The following AFF3 variants were observed in gnomAD, a reference collection of about 807,000 sequenced individuals.
AFF3 encodes the protein ALF transcription elongation factor 3.
Under a neutral mutation model 129.7 loss-of-function variants are expected in AFF3, and 32 were observed. The ratio of observed to expected loss-of-function variants is 0.25; its 90% CI spans 0.19 to 0.33. AFF3 has a LOEUF of 0.33. Among genes scored for constraint, AFF3 ranks in the 10% least tolerant of loss-of-function variants. The probability of loss-of-function intolerance (pLI) is 1.00; values close to 1 mark genes in which losing one functional copy is unlikely to be tolerated. For synonymous variants in AFF3, 644 were observed against 635.4 expected (o/e 1.01, Z -0.20); for missense variants, 1,373 against 1,592.0 (o/e 0.86, Z 2.34).
chr2:99,915,217 TA>T (rs1159786740), intron 7 of AFF3, among the ~76,000 whole-genome samples: 1 of 152,072 alleles, frequency 6.6e-6, no homozygotes, highest in Non-Finnish European at 1.5e-5. Flanking sequence ...ATTAAAACGT[TA>T]CATATTATCA....
chr2:99,936,567 C>T (rs1317413115), intron 7 of AFF3, among the ~76,000 whole-genome samples: 1 of 152,164 alleles, frequency 6.6e-6, no homozygotes, highest in Non-Finnish European at 1.5e-5. Context: ...AGTTTACAGG[C>T]TGTAACTTCA....
chr2:99,839,157 T>G (rs900869197), intron 7 of AFF3, among the ~76,000 whole-genome samples: 2 of 152,138 alleles, frequency 1.3e-5, no homozygotes, highest in African/African-American at 4.8e-5. Context: ...TTGCCCAGGC[T>G]GGAGTGCAAT....
intron 7 of AFF3, among the ~76,000 whole-genome samples, chr2:99,871,981 G>A (rs891062967): frequency 2.0e-5 from 3 of 152,050 alleles, no homozygotes; most frequent in Non-Finnish European, 2.9e-5. Flanking sequence ...GCTGAGGTGG[G>A]TGGATCATGA....
intron 7 of AFF3, among the ~76,000 whole-genome samples, chr2:99,881,750 C>T (rs1167195020): frequency 1.3e-5 from 2 of 152,184 alleles, no homozygotes; most frequent in African/African-American, 4.8e-5. Context: ...TTTCAAACAG[C>T]TTTAGTTTAC....
chr2:99,975,868 GAAAAAAA>G (rs5832890), intron 7 of AFF3, among the ~76,000 whole-genome samples: 2 of 74,624 alleles, frequency 2.7e-5, no homozygotes, highest in African/African-American at 4.5e-5. Flanking sequence ...AGATTAAAAT[GAAAAAAA>G]AAAAAAAGAA....
chr2:99,672,482 A>G (rs200164297), intron 12 of AFF3, 56 bp downstream of exon 12: 16 of 1,549,990 alleles, frequency 1.0e-5, no homozygotes, highest in Non-Finnish European at 1.2e-5. Flanking sequence ...ACAGTCCACC[A>G]GGTAACTGTT....
intron 7 of AFF3, among the ~76,000 whole-genome samples, chr2:99,992,378 C>T (rs34795510): frequency 0.025 from 3,876 of 152,194 alleles, 73 homozygotes; most frequent in Non-Finnish European, 0.037. Context: ...ACCCAAATGT[C>T]ATAAGAGAAC....
At chr2:99,770,902 G>A (rs975635893) in intron 8 of AFF3, among the ~76,000 whole-genome samples, 1 of 152,128 alleles carries the variant, frequency 6.6e-6, no homozygotes, top group Non-Finnish European at 1.5e-5. Context: ...CTGTCCTTAA[G>A]CAGAAGGAAG....
At chr2:100,059,879 G>A (rs1687115183) in intron 4 of AFF3, among the ~76,000 whole-genome samples, 1 of 152,168 alleles carries the variant, frequency 6.6e-6, no homozygotes, top group African/African-American at 2.4e-5. Context: ...AATGTATCTG[G>A]CATGAAACAC....
chr2:99,591,876 C>T (rs915333099), intron 15 of AFF3, among the ~76,000 whole-genome samples: 53 of 152,122 alleles, frequency 3.5e-4, no homozygotes, highest in African/African-American at 1.2e-3. Context: ...GTTCCCTCTC[C>T]GTAAAATGGG....
At chr2:99,574,184 T>C (rs1397802160) in intron 18 of AFF3, among the ~76,000 whole-genome samples, 1 of 152,224 alleles carries the variant, frequency 6.6e-6, no homozygotes, top group East Asian at 1.9e-4. Flanking sequence ...AGATCCGTTT[T>C]TTAAACAAAA....
rs936422523 is a variant in AFF3, at chr2:99,601,048, G to A, written c.1371+387C>T. On this transcript the variant is annotated intron_variant, in intron 14 of 24. Coordinates refer to ENST00000672756, the MANE Select transcript of AFF3 (RefSeq NM_001386135.1). Reference sequence around the variant, plus strand: ...TCCAACCCATAAAACCCCTTTCCCTGTGATTTATGGGTGGTCACACTTCCC... The same window carrying A: ...TCCAACCCATAAAACCCCTTTCCCTATGATTTATGGGTGGTCACACTTCCC... Among the ~76,000 whole-genome samples, 7 of 152,262 alleles carry A rather than the reference G, an allele frequency of 4.6e-5. No homozygotes were observed. In the East Asian group the frequency reaches 1.4e-3, roughly 29 times the overall value.
At chr2:99,729,764 G>A (rs1405349045) in intron 10 of AFF3, among the ~76,000 whole-genome samples, 7 of 91,700 alleles carry the variant, frequency 7.6e-5, no homozygotes, top group African/African-American at 2.6e-4. Flanking sequence ...TTCCCACCCC[G>A]CCCCCTGCCC....
At chr2:100,108,591 C>T (rs938989771) in intron 2 of AFF3, among the ~76,000 whole-genome samples, 4 of 152,124 alleles carry the variant, frequency 2.6e-5, no homozygotes, top group Non-Finnish European at 4.4e-5. Flanking sequence ...AGGGTCATTT[C>T]AGAGATCATC....
At chr2:100,014,807 G>A (rs1397374357) in intron 4 of AFF3, among the ~76,000 whole-genome samples, 3 of 107,862 alleles carry the variant, frequency 2.8e-5, no homozygotes, top group Admixed American at 8.1e-5. Flanking sequence ...TTTTTTAGAC[G>A]GAGTCTCACT....
chr2:99,762,414 C>T (rs1460024774), intron 8 of AFF3, among the ~76,000 whole-genome samples: 8 of 152,126 alleles, frequency 5.3e-5, no homozygotes, highest in African/African-American at 1.4e-4. Flanking sequence ...TATCAGCCAC[C>T]GTGCCCGGCC....
At chr2:99,807,473 G>A (rs1686442362) in intron 8 of AFF3, among the ~76,000 whole-genome samples, 1 of 152,112 alleles carries the variant, frequency 6.6e-6, no homozygotes, top group South Asian at 2.1e-4. Flanking sequence ...CTCAGCTGGT[G>A]GAAAGGTCTT....
chr2:99,708,242 T>TA (rs921061505), intron 11 of AFF3, among the ~76,000 whole-genome samples: 4 of 152,010 alleles, frequency 2.6e-5, no homozygotes, highest in South Asian at 2.1e-4. Flanking sequence ...GAAGGGATTT[T>TA]AAAAAAAACA....
intron 14 of AFF3, among the ~76,000 whole-genome samples, chr2:99,600,773 C>G (rs949139084): frequency 2.0e-5 from 3 of 152,144 alleles, no homozygotes; most frequent in African/African-American, 7.2e-5. Context: ...TAATTTTCCC[C>G]TTCCTACTTT....
Sources: gnomAD v4.1 joint callset for allele counts (sites outside exome capture counted in the v4.1 genomes callset) on GRCh38, gnomAD v4.1.1 for gene constraint, MANE v1.5 for transcripts, NCBI Gene and HGNC (gene_info 2026-07-23, HGNC 2026-07-21) for gene names.